The following LRRIQ1 variants were observed in gnomAD, a reference collection of about 807,000 sequenced individuals.
LRRIQ1 encodes the protein leucine-rich repeat- and IQ domain-containing protein 1.
A neutral mutation model predicts 211.9 loss-of-function variants in LRRIQ1; 210 were observed. The observed-to-expected ratio is 0.99, with a 90% confidence interval of 0.89 to 1.11. The LOEUF (loss-of-function observed/expected upper bound fraction) is 1.11, where lower values mean the gene tolerates loss of function less well. LRRIQ1 is among the 50% of genes most tolerant of loss of function. LRRIQ1 has a pLI of 0.00. For synonymous variants in LRRIQ1, 699 were observed against 650.1 expected, an observed-to-expected ratio of 1.08 and a Z score of -1.14; for missense variants, 2,136 against 1,939.5, an observed-to-expected ratio of 1.10 and a Z score of -1.90.
intron 26 of LRRIQ1, among the ~76,000 whole-genome samples, chr12:85,233,631 G>A (rs1330312482): frequency 6.6e-6 from 1 of 152,140 alleles, no homozygotes; most frequent in Non-Finnish European, 1.5e-5. Flanking sequence ...AACAACTCAT[G>A]CAAGGAGTTC....
At chr12:85,098,818 G>T in intron 12 of LRRIQ1, 49 bp from the exon 13 acceptor site, 1 of 1,349,158 alleles carries the variant, frequency 7.4e-7, no homozygotes, top group Non-Finnish European at 1.0e-6. Context: ...TGGGCTAAAT[G>T]ATAAAATATT....
chr12:85,037,679 G>A (rs1878318897), intron 1 of LRRIQ1, among the ~76,000 whole-genome samples: 1 of 151,926 alleles, frequency 6.6e-6, no homozygotes, highest in Non-Finnish European at 1.5e-5. Context: ...GAAAGGTCAG[G>A]CCCTTGAGTA....
Position 85,111,784 on chromosome 12 carries a change from G to A in LRRIQ1, c.3377+5169G>A, listed in dbSNP as rs1887191819. Among the ~76,000 whole-genome samples the A allele has an allele frequency of 2.6e-5, 4 of 151,930 alleles. No individual in the cohort carries two copies. In the South Asian group the frequency reaches 8.3e-4, roughly 32 times the overall value. The stretch of plus-strand genomic sequence containing the variant: ...CATCAGCAAACCGATAAGAGATTAG[G>A]AAACAAGTGACCAAATTTATTAGAG... On this transcript the variant is annotated intron_variant, in intron 15 of 26. Transcript: ENST00000393217.
Position 85,196,575 on chromosome 12 carries a change from G to A in LRRIQ1, c.4823-32942G>A, listed in dbSNP as rs1463129153. ...AAACCTGAGAAAAACAAGCAATGGG[G>A]AAAGGATTCCCTGTTTAATAAATGG... On this transcript the variant is annotated intron_variant, in intron 24 of 26. Transcript: ENST00000393217. Among the ~76,000 whole-genome samples, 9 of 152,256 alleles carry A rather than the reference G, an allele frequency of 5.9e-5. No homozygotes were observed. The South Asian group carries it at 1.9e-3, about 32-fold the overall frequency.
rs1565793059 is a variant in LRRIQ1, at chr12:85,056,573, CAG to C, written c.1782_1783del (p.Asn595TrpfsTer5). 1.2e-6 allele frequency: 2 copies of C among 1,600,280 alleles called. No individual in the cohort carries two copies. The highest frequency in any genetic ancestry group is 1.7e-6 in the Non-Finnish European group (2 of 1,172,946). On this transcript the variant is annotated frameshift_variant, in exon 8 of 27. Transcript: ENST00000393217. LOFTEE classifies it high-confidence loss of function. ...AGTAGAAAAAGAAGAGATACAAGAA[CAG>C]AATGGATTATTATATAAAGATAAGG... ...QKVEKEEIQEQNGLLYKDKDT... is the reference protein window; with the variant it reads ...QKVEKEEIQEXNGLLYKDKDT...
intron 16 of LRRIQ1, 28 bp from the exon 17 acceptor site, chr12:85,124,042 T>TA: frequency 6.5e-7 from 1 of 1,536,366 alleles, no homozygotes; most frequent in South Asian, 1.1e-5. Flanking sequence ...CTATTCTTAT[T>TA]AAATGTTCTC....
At chr12:85,174,659 G>A (rs538287543) in intron 24 of LRRIQ1, among the ~76,000 whole-genome samples, 131 of 124,708 alleles carry the variant, frequency 1.1e-3, no homozygotes, top group African/African-American at 4.0e-3. Flanking sequence ...CCAAGATCAC[G>A]CCACTGTACT....
chr12:85,217,508 A>ATATATATATG (rs1216212048), intron 24 of LRRIQ1, among the ~76,000 whole-genome samples: 2 of 64,256 alleles, frequency 3.1e-5, no homozygotes, highest in East Asian at 4.2e-4. Context: ...ATATATATAT[A>ATATATATATG]TGTGTGTGTG....
intron 18 of LRRIQ1, among the ~76,000 whole-genome samples, chr12:85,135,567 G>T (rs1274353885): frequency 6.6e-6 from 1 of 151,744 alleles, no homozygotes; most frequent in Admixed American, 6.6e-5. Context: ...AATTAGAAAG[G>T]CAAGTTAAAT....
chr12:85,197,963 T>TATATA (rs1893042750), intron 24 of LRRIQ1, among the ~76,000 whole-genome samples: 1 of 107,618 alleles, frequency 9.3e-6, no homozygotes, highest in Non-Finnish European at 1.8e-5. Context: ...TTATATATTA[T>TATATA]ATATAAATAT....
At chr12:85,140,923 G>A (rs193114901) in intron 19 of LRRIQ1, among the ~76,000 whole-genome samples, 55 of 151,156 alleles carry the variant, frequency 3.6e-4, no homozygotes, top group African/African-American at 1.2e-3. Flanking sequence ...AACTAACTTA[G>A]CTATAATGCA....
At chr12:85,099,417 T>C (rs1276643547) in intron 13 of LRRIQ1, among the ~76,000 whole-genome samples, 1 of 151,882 alleles carries the variant, frequency 6.6e-6, no homozygotes, top group Non-Finnish European at 1.5e-5. Flanking sequence ...GCTTGTCTTT[T>C]TGAAACTGTT....
At chr12:85,118,033 GT>G (rs1887703440) in intron 15 of LRRIQ1, among the ~76,000 whole-genome samples, 1 of 152,108 alleles carries the variant, frequency 6.6e-6, no homozygotes, top group African/African-American at 2.4e-5. Flanking sequence ...ACCTTTCTTT[GT>G]TTTGAAGAAA....
At chr12:85,264,166 C>T (rs755688754) in exon 2 of LRRIQ1, 2 of 151,992 alleles carry the variant, frequency 1.3e-5, no homozygotes, top group African/African-American at 2.4e-5. Flanking sequence ...ACTTTTGGAT[C>T]CCTATTGCAT....
intron 5 of LRRIQ1, 46 bp from the exon 6 acceptor site, chr12:85,047,201 G>C (rs376679184): frequency 7.2e-7 from 1 of 1,395,786 alleles, no homozygotes; most frequent in African/African-American, 1.4e-5. Flanking sequence ...AGTTTTGACA[G>C]TTTTGATCTT....
intron 15 of LRRIQ1, among the ~76,000 whole-genome samples, chr12:85,121,266 C>G (rs1340582251): frequency 6.6e-6 from 1 of 152,168 alleles, no homozygotes; most frequent in Non-Finnish European, 1.5e-5. Flanking sequence ...TAGTCCTACT[C>G]TCAGTATATT....
At chr12:85,045,975 C>A in intron 4 of LRRIQ1, 45 bp from the exon 5 acceptor site, 1 of 1,109,844 alleles carries the variant, frequency 9.0e-7, no homozygotes, top group Non-Finnish European at 1.3e-6. Flanking sequence ...GCTTTACTCT[C>A]TATTTTGATT....
intron 11 of LRRIQ1, among the ~76,000 whole-genome samples, chr12:85,074,889 A>G (rs1883470775): frequency 6.6e-6 from 1 of 152,150 alleles, no homozygotes; most frequent in African/African-American, 2.4e-5. Flanking sequence ...CAAATGAAAA[A>G]TGGGATTTAT....
intron 25 of LRRIQ1, 147 bp downstream of exon 25, chr12:85,229,796 A>G (rs1894847245): frequency 2.9e-6 from 2 of 682,642 alleles, no homozygotes; most frequent in Non-Finnish European, 4.8e-6. Flanking sequence ...CCTTTCATAT[A>G]GAATAGATTT....
Sources: allele counts gnomAD v4.1 joint callset (sites outside exome capture counted in the v4.1 genomes callset), GRCh38; gene constraint gnomAD v4.1.1; transcripts MANE v1.5; gene names NCBI Gene and HGNC (gene_info 2026-07-23, HGNC 2026-07-21).